The following TBC1D22A variants were observed in gnomAD, a reference collection of about 807,000 sequenced individuals.
TBC1D22A encodes the protein putative GTPase activator.
A neutral mutation model predicts 60.2 loss-of-function variants in TBC1D22A; 38 were observed. The observed-to-expected ratio is 0.63, with a 90% CI of 0.49 to 0.83. The LOEUF (loss-of-function observed/expected upper bound fraction) is 0.83. TBC1D22A is among the 40% of genes least tolerant of loss of function. The probability of loss-of-function intolerance (pLI) is 0.00; values close to 1 mark genes in which losing one functional copy is unlikely to be tolerated. For synonymous variants in TBC1D22A, 302 were observed against 281.7 expected, an observed-to-expected ratio of 1.07 and a Z score of -0.72; for missense variants, 628 against 701.0, an observed-to-expected ratio of 0.90 and a Z score of 1.18.
intron 4 of TBC1D22A, among the ~76,000 whole-genome samples, chr22:46,832,447 G>A (rs1202019159): frequency 6.6e-6 from 1 of 152,124 alleles, no homozygotes; most frequent in Non-Finnish European, 1.5e-5. Flanking sequence ...TCAGGAGTTC[G>A]AGACAAGCCT....
Position 47,108,512 on chromosome 22 carries a change from A to G in TBC1D22A, c.1330-2996A>G, listed in dbSNP as rs143754361. Among the ~76,000 whole-genome samples, 581 of 152,332 alleles carry G rather than the reference A, an allele frequency of 3.8e-3. 2 individuals are homozygous for G. Among genetic ancestry groups the G allele is most frequent in the African/African-American group, 0.013 (552 of 41,580 alleles). ...TGGAAATGTAAGCTAATGTATAGTG[A>G]CACAAGTAAGTCAGTGATATTCTGG... On this transcript the variant is annotated intron_variant, in intron 11 of 12. Coordinates refer to ENST00000337137, the MANE Select transcript of TBC1D22A (RefSeq NM_014346.5).
intron 8 of TBC1D22A, among the ~76,000 whole-genome samples, chr22:46,962,560 C>T (rs1388125346): frequency 6.6e-6 from 1 of 152,246 alleles, no homozygotes; most frequent in African/African-American, 2.4e-5. Flanking sequence ...AAGAGGCTTA[C>T]TGGGGCATTC....
chr22:46,856,635 TG>T (rs1457692303), intron 4 of TBC1D22A, among the ~76,000 whole-genome samples: 2 of 151,810 alleles, frequency 1.3e-5, no homozygotes, highest in Admixed American at 6.6e-5. Context: ...CTTTCAAGAG[TG>T]GGGGTGGGGG....
Position 46,936,643 on chromosome 22 carries a change from G to A in TBC1D22A, c.1015+24455G>A, listed in dbSNP as rs535724178. On this transcript the variant is annotated intron_variant, in intron 8 of 12. Coordinates refer to ENST00000337137, the MANE Select transcript of TBC1D22A (RefSeq NM_014346.5). The stretch of plus-strand genomic sequence containing the variant: ...GTCGGATTCTGGACAAGGGCTGTCA[G>A]TTAACCGCTCAGGCTCTGCAATGGA... Among the ~76,000 whole-genome samples the A allele has an allele frequency of 2.6e-5, 4 of 152,362 alleles. No individual in the cohort carries two copies. In the South Asian group the frequency reaches 8.3e-4, roughly 32 times the overall value.
chr22:47,052,758 G>A (rs992353162), intron 11 of TBC1D22A, among the ~76,000 whole-genome samples: 2 of 152,162 alleles, frequency 1.3e-5, no homozygotes, highest in African/African-American at 4.8e-5. Flanking sequence ...GCAGGAGGAC[G>A]GCCTCCCACA....
At chr22:47,012,323 C>T (rs1483309643) in intron 10 of TBC1D22A, among the ~76,000 whole-genome samples, 1 of 152,190 alleles carries the variant, frequency 6.6e-6, no homozygotes, top group South Asian at 2.1e-4. Context: ...TCACATCCCC[C>T]CAGCCCTCCT....
At chr22:47,095,125 C>G (rs2065123008) in intron 11 of TBC1D22A, among the ~76,000 whole-genome samples, 1 of 152,244 alleles carries the variant, frequency 6.6e-6, no homozygotes, top group South Asian at 2.1e-4. Flanking sequence ...TGGCTGTGCT[C>G]TGCATTATGG....
At chr22:47,172,989 C>A (rs2147242720) in intron 12 of TBC1D22A, among the ~76,000 whole-genome samples, 1 of 152,374 alleles carries the variant, frequency 6.6e-6, no homozygotes, top group South Asian at 2.1e-4. Flanking sequence ...GAAATCTGTG[C>A]TTAGTGGCAG....
At chr22:47,070,392 C>T (rs540147021) in intron 11 of TBC1D22A, among the ~76,000 whole-genome samples, 6 of 138,660 alleles carry the variant, frequency 4.3e-5, no homozygotes, top group East Asian at 4.4e-4. Flanking sequence ...TTGGTTGGAG[C>T]GGAGCTGACC....
intron 11 of TBC1D22A, among the ~76,000 whole-genome samples, chr22:47,060,526 G>A (rs2063538052): frequency 1.3e-5 from 2 of 152,178 alleles, no homozygotes; most frequent in South Asian, 4.1e-4. Flanking sequence ...CGCTTCCCGG[G>A]TTCAAACGAT....
At chr22:47,026,638 T>C (rs1169347974) in intron 10 of TBC1D22A, among the ~76,000 whole-genome samples, 1 of 152,064 alleles carries the variant, frequency 6.6e-6, no homozygotes, top group Non-Finnish European at 1.5e-5. Context: ...TGAAATTGAA[T>C]GAGCAATACA....
intron 12 of TBC1D22A, among the ~76,000 whole-genome samples, chr22:47,156,602 G>T (rs1025506415): frequency 6.6e-6 from 1 of 152,140 alleles, no homozygotes; most frequent in Non-Finnish European, 1.5e-5. Flanking sequence ...CCTGGGGCAG[G>T]CTGGGGAGGT....
chr22:47,155,625 G>C (rs910163884), intron 12 of TBC1D22A, among the ~76,000 whole-genome samples: 1 of 152,226 alleles, frequency 6.6e-6, no homozygotes, highest in Non-Finnish European at 1.5e-5. Flanking sequence ...GCGAGGACGC[G>C]TAACACTTGA....
At chr22:46,947,149 A>G (rs1249117048) in intron 8 of TBC1D22A, among the ~76,000 whole-genome samples, 2 of 152,100 alleles carry the variant, frequency 1.3e-5, no homozygotes, top group African/African-American at 4.8e-5. Flanking sequence ...GTGAATCGGT[A>G]GAAAGAAATG....
chr22:46,936,650 G>A (rs1282435577), intron 8 of TBC1D22A, among the ~76,000 whole-genome samples: 1 of 152,212 alleles, frequency 6.6e-6, no homozygotes. Flanking sequence ...TCAGTTAACC[G>A]CTCAGGCTCT....
chr22:47,052,493 T>G (rs549226646), intron 11 of TBC1D22A, among the ~76,000 whole-genome samples: 36 of 152,060 alleles, frequency 2.4e-4, no homozygotes, highest in Non-Finnish European at 5.0e-4. Flanking sequence ...TGGGGAGCAT[T>G]GTGTACAGAG....
chr22:46,858,503 A>G (rs1020835822), intron 4 of TBC1D22A, among the ~76,000 whole-genome samples: 2 of 152,210 alleles, frequency 1.3e-5, no homozygotes, highest in Non-Finnish European at 2.9e-5. Flanking sequence ...CGGATGACCA[A>G]GCTGGGCCTT....
At position 47,138,329 on chromosome 22, in the gene TBC1D22A, C is replaced by T. The variant is rs151205013; in HGVS notation, c.1425+26726C>T. On this transcript the variant is annotated intron_variant, in intron 12 of 12. Coordinates refer to ENST00000337137, the MANE Select transcript of TBC1D22A (RefSeq NM_014346.5). ...TCGGCCTCTGGGGGACAGGGAGGAC[C>T]GTGGACAGTGATGGACCTGCAGGCT... Among the ~76,000 whole-genome samples, 570 of 152,284 alleles carry T rather than the reference C, an allele frequency of 3.7e-3. 4 individuals carry two copies. The highest frequency in any genetic ancestry group is 0.011 in the African/African-American group (441 of 41,574).
chr22:46,916,939 G>A (rs2147814762), intron 8 of TBC1D22A, among the ~76,000 whole-genome samples: 1 of 152,322 alleles, frequency 6.6e-6, no homozygotes, highest in South Asian at 2.1e-4. Context: ...AATTTCAGAG[G>A]TTGAAGCCTT....
Sources: gnomAD v4.1 joint callset for allele counts (sites outside exome capture counted in the v4.1 genomes callset) on GRCh38, gnomAD v4.1.1 for gene constraint, MANE v1.5 for transcripts, NCBI Gene and HGNC (gene_info 2026-07-23, HGNC 2026-07-21) for gene names.